Variants in LAMB1 observed in about 807,000 individuals in gnomAD.
LAMB1 encodes the protein laminin subunit beta-1.
Under a neutral mutation model 222.3 loss-of-function variants are expected in LAMB1, and 121 were observed. The observed-to-expected ratio is 0.54, with a 90% CI of 0.47 to 0.63. The LOEUF (loss-of-function observed/expected upper bound fraction) is 0.63. LAMB1 is among the 30% of genes least tolerant of loss of function. LAMB1 has a pLI of 0.00. For synonymous variants in LAMB1, 794 were observed against 807.2 expected, an observed-to-expected ratio of 0.98 and a Z score of 0.28; for missense variants, 2,172 against 2,240.8, an observed-to-expected ratio of 0.97 and a Z score of 0.62.
At position 108,001,448 on chromosome 7, in the gene LAMB1, G is replaced by C. The variant is rs912711497; in HGVS notation, c.213+110C>G. On this transcript the variant is annotated intron_variant, in intron 3 of 33. Transcript: ENST00000222399. ...TAATCCCGGGACTCCCCGGCTGGCT[G>C]CGCTTCCTATCTGGATTGCTGGAAG... 4.8e-6 allele frequency: 6 copies of C among 1,254,238 alleles called. No homozygotes were observed. In the African/African-American group the frequency reaches 9.1e-5, roughly 19 times the overall value. 77.7% of individuals were successfully genotyped at this position (1,254,238 alleles called of 1,614,324 possible).
intron 15 of LAMB1, among the ~76,000 whole-genome samples, chr7:107,962,519 GCCTGGCCAA>G (rs746604425): frequency 8.5e-5 from 13 of 152,138 alleles, no homozygotes; most frequent in African/African-American, 1.4e-4. Context: ...TTCAAGATCA[GCCTGGCCAA>G]CATGGCGAAA....
chr7:108,001,917 G>T, intron 2 of LAMB1, 184 bp from the exon 3 acceptor site: 1 of 1,461,534 alleles, frequency 6.8e-7, no homozygotes, highest in Non-Finnish European at 9.1e-7. Context: ...CAGGGACTCC[G>T]AAAGGAGAAG....
intron 29 of LAMB1, chr7:107,930,046 G>T: frequency 5.9e-6 from 1 of 169,172 alleles, no homozygotes; most frequent in Admixed American, 5.7e-5. Flanking sequence ...AGACTTAAAG[G>T]CAATGAAATC....
chr7:107,947,034 CTT>C (rs545344716), intron 24 of LAMB1, among the ~76,000 whole-genome samples: 372 of 152,252 alleles, frequency 2.4e-3, no homozygotes, highest in Middle Eastern at 0.01. Context: ...TCCTGTGACT[CTT>C]TGACTCCTGA....
chr7:108,003,144 C>T lies in LAMB1; in HGVS notation c.-120G>A, dbSNP rs1363053140. 6 of 633,416 alleles carry T rather than the reference C, an allele frequency of 9.5e-6. No homozygotes were observed. Among genetic ancestry groups the T allele is most frequent in the Non-Finnish European group, 1.3e-5 (5 of 395,678 alleles). 39.2% of individuals were successfully genotyped at this position (633,416 alleles called of 1,614,324 possible). A position where few individuals can be genotyped will look rare whatever the true frequency, so the allele number is the denominator to read the frequency against. Reference sequence around the variant, plus strand: ...GCGAGCTCTCGCCCTGCTCCGGGAGCCCCCGAGCCCAAAGAAGGGAATTAG... The same window carrying T: ...GCGAGCTCTCGCCCTGCTCCGGGAGTCCCCGAGCCCAAAGAAGGGAATTAG... On this transcript the variant is annotated 5_prime_UTR_variant, in exon 1 of 34. Transcript: ENST00000222399.
chr7:107,954,604 C>T (rs1365508126), intron 21 of LAMB1, among the ~76,000 whole-genome samples: 1 of 152,164 alleles, frequency 6.6e-6, no homozygotes, highest in Non-Finnish European at 1.5e-5. Context: ...GAAACCCCAT[C>T]TCTACCAAAA....
Position 108,001,682 on chromosome 7 carries a change from C to T in LAMB1, c.89G>A (p.Cys30Tyr). 1 of 1,612,594 alleles carries T rather than the reference C, an allele frequency of 6.2e-7. No homozygotes were observed. Among genetic ancestry groups the T allele is most frequent in the Non-Finnish European group, 8.5e-7 (1 of 1,179,746 alleles). ...RAQEPEFSYG[C>Y]AEGSCYPATG... ...GGCGGGATAGCAGCTGCCTTCTGCG[C>T]AGCCGTAGCTGAACTCGGGTTCCTG... The change falls in exon 3 of 34, where the codon TGC becomes TAC. Residue 30 changes from cysteine (C) to tyrosine (Y), a missense_variant. Physicochemically the swap from Cys to Tyr is radical, Grantham distance 194. Transcript: ENST00000222399.
intron 24 of LAMB1, among the ~76,000 whole-genome samples, chr7:107,941,905 G>A (rs1003993569): frequency 2.9e-5 from 4 of 138,348 alleles, no homozygotes; most frequent in East Asian, 2.1e-4. Flanking sequence ...TGGAACTCCC[G>A]ACCTCAGGTG....
At chr7:107,941,676 G>A (rs184320128) in intron 24 of LAMB1, among the ~76,000 whole-genome samples, 13 of 150,830 alleles carry the variant, frequency 8.6e-5, no homozygotes, top group Middle Eastern at 3.4e-3. Flanking sequence ...TTTTTGAGAC[G>A]GAGGTTTTGC....
At position 107,959,336 on chromosome 7, in the gene LAMB1, TG is replaced by T. The variant is rs1386078137; in HGVS notation, c.2602del (p.Gln868SerfsTer12). ...HWGFPSCQPC[Q>X]CNGHADDCDP... ...GCAGTCATCGGCGTGGCCATTGCAC[TG>T]GCAGGGCTGGCAACTTGGAAAGCCC... On this transcript the variant is annotated frameshift_variant, in exon 20 of 34. Transcript: ENST00000222399. LOFTEE classifies it high-confidence loss of function. The T allele has an allele frequency of 3.7e-6, 6 of 1,614,236 alleles. No individual in the cohort carries two copies. Among genetic ancestry groups the T allele is most frequent in the Non-Finnish European group, 5.1e-6 (6 of 1,180,034 alleles).
At chr7:107,996,358 T>C (rs1428669325) in intron 4 of LAMB1, among the ~76,000 whole-genome samples, 5 of 152,300 alleles carry the variant, frequency 3.3e-5, no homozygotes, top group South Asian at 4.1e-4. Flanking sequence ...CTATAGTGTA[T>C]TTGATTTCTG....
In LAMB1 at chr7:107,953,539, C is replaced by T; in HGVS notation, c.3070G>A (p.Asp1024Asn). ...TAAATGTGCATCTTACTTCGACAGT[C>T]CTGCTGGAGGGCATCACCATAGTAT... is the stretch of plus-strand genomic sequence containing the variant. ...FGYYGDALQQ[D>N]CRKCVCNYLG... is the part of the protein sequence containing the mutation. Residue 1024 changes from aspartate to asparagine, a missense_variant, in exon 22 of 34, where the codon GAC (aspartate) becomes AAC (asparagine). Transcript: ENST00000222399. 1 of 1,612,356 alleles carries T rather than the reference C, an allele frequency of 6.2e-7. No individual in the cohort carries two copies. Among genetic ancestry groups the T allele is most frequent in the Non-Finnish European group, 8.5e-7 (1 of 1,178,380 alleles).
rs1192812358 is a variant in LAMB1, at chr7:107,961,229, T to C, written c.2086A>G (p.Ser696Gly). 1.9e-6 allele frequency: 3 copies of C among 1,613,740 alleles called. No individual in the cohort carries two copies. The South Asian group carries it at 3.3e-5, about 18-fold the overall frequency. Residue 696 changes from serine (S) to glycine (G), a missense_variant, in exon 17 of 34, where the codon AGC becomes GGC. Physicochemically the swap from Ser to Gly is moderately conservative, Grantham distance 56. Coordinates refer to ENST00000222399, the MANE Select transcript of LAMB1 (RefSeq NM_002291.3). ...ACAGAATCGATCAGCGTGTAGGGGC[T>C]CTCCACGTCGCTATCAGAGGAGGTG... ...QYTSSDSDVE[S>G]PYTLIDSLVL...
At chr7:107,966,647 T>C (rs533238786) in intron 13 of LAMB1, among the ~76,000 whole-genome samples, 1 of 152,232 alleles carries the variant, frequency 6.6e-6, no homozygotes, top group Admixed American at 6.5e-5. Flanking sequence ...TTACATCATA[T>C]GGACAAAAGA....
At chr7:107,946,708 CGAAT>C (rs1019991808) in intron 24 of LAMB1, among the ~76,000 whole-genome samples, 2 of 152,160 alleles carry the variant, frequency 1.3e-5, no homozygotes, top group Admixed American at 1.3e-4. Flanking sequence ...TCTAAAGAAT[CGAAT>C]GAAGTCTGAT....
intron 13 of LAMB1, among the ~76,000 whole-genome samples, chr7:107,972,188 C>T (rs1331066675): frequency 2.6e-5 from 4 of 152,194 alleles, no homozygotes; most frequent in African/African-American, 9.7e-5. Context: ...ACAAACACAA[C>T]ATGTTCTTGC....
At chr7:107,969,061 A>G (rs76335902) in intron 13 of LAMB1, among the ~76,000 whole-genome samples, 14,574 of 152,082 alleles carry the variant, frequency 0.096, 752 homozygotes, top group Admixed American at 0.16. Context: ...GTCCGAGGCG[A>G]GCGGATCAAG....
chr7:107,924,266 A>G lies in LAMB1; in HGVS notation c.5188T>C (p.Leu1730=). Residue 1730 remains leucine (L), a synonymous_variant, in exon 33 of 34, where the codon TTA becomes CTA. Transcript: ENST00000222399. ...TGCAGCTTGCTATTTGCTTGAGCTA[A>G]AAGAGTTTTTGCTTCATTTTGTAGC... is the stretch of plus-strand genomic sequence containing the variant. The part of the protein sequence containing the change: ...EMLQNEAKTL[L]AQANSKLQLL... 3 of 1,612,844 alleles carry G rather than the reference A, an allele frequency of 1.9e-6. No individual in the cohort carries two copies. The Admixed American group carries it at 5.0e-5, about 27-fold the overall frequency.
Position 107,938,811 on chromosome 7 carries a change from C to T in LAMB1, c.3761+1178G>A, listed in dbSNP as rs576631213. On this transcript the variant is annotated intron_variant, in intron 25 of 33. Transcript: ENST00000222399. Reference sequence around the variant, plus strand: ...ATTGTCACTCTACATCAGACGTTTCCTAACACTCTGGCCAGCTACATGGTC... The same window carrying T: ...ATTGTCACTCTACATCAGACGTTTCTTAACACTCTGGCCAGCTACATGGTC... 5.9e-5 allele frequency among the ~76,000 whole-genome samples: 9 copies of T among 152,274 alleles called. No homozygotes were observed. The South Asian group carries it at 1.9e-3, about 32-fold the overall frequency.
Sources: allele counts gnomAD v4.1 joint callset (sites outside exome capture counted in the v4.1 genomes callset), GRCh38; gene constraint gnomAD v4.1.1; transcripts MANE v1.5; gene names NCBI Gene and HGNC (gene_info 2026-07-23, HGNC 2026-07-21).